RBM19: variants seen among roughly 807,000 people sequenced by gnomAD.
The protein encoded by RBM19 is RNA binding motif protein 19, also known as probable RNA-binding protein 19.
Under a neutral mutation model 116.8 loss-of-function variants are expected in RBM19, and 94 were observed. That is an observed-to-expected ratio of 0.80 (90% CI 0.68 to 0.95). RBM19 has a LOEUF of 0.95. Among genes scored for constraint, RBM19 ranks in the 40% least tolerant of loss-of-function variants. The pLI, the probability that RBM19 is intolerant of heterozygous loss-of-function variation, is 0.00. For synonymous variants in RBM19, 475 were observed against 494.1 expected, an observed-to-expected ratio of 0.96 and a Z score of 0.51; for missense variants, 1,161 against 1,220.7, an observed-to-expected ratio of 0.95 and a Z score of 0.73.
intron 16 of RBM19, among the ~76,000 whole-genome samples, chr12:113,932,980 G>A (rs1389649791): frequency 6.6e-6 from 1 of 152,042 alleles, no homozygotes; most frequent in Non-Finnish European, 1.5e-5. Context: ...AATTTACTGC[G>A]GCCTCCTCCC....
intron 16 of RBM19, among the ~76,000 whole-genome samples, chr12:113,928,033 A>G (rs1169404786): frequency 6.6e-6 from 1 of 152,240 alleles, no homozygotes; most frequent in Non-Finnish European, 1.5e-5. Context: ...AAAATGTTCA[A>G]TGTAATCCAA....
intron 21 of RBM19, among the ~76,000 whole-genome samples, chr12:113,894,914 G>T (rs1881216464): frequency 6.6e-6 from 1 of 152,164 alleles, no homozygotes; most frequent in African/African-American, 2.4e-5. Flanking sequence ...GACAGGGGCT[G>T]TCCTTCACCT....
At chr12:113,864,674 CTA>C (rs1322201262) in intron 21 of RBM19, among the ~76,000 whole-genome samples, 1 of 152,220 alleles carries the variant, frequency 6.6e-6, no homozygotes, top group Non-Finnish European at 1.5e-5. Flanking sequence ...ATCCCTTCAT[CTA>C]TAATGGGCAA....
Position 113,939,970 on chromosome 12 carries a change from G to A in RBM19, c.1928C>T (p.Ala643Val), listed in dbSNP as rs777532426. The A allele has an allele frequency of 6.2e-7, 1 of 1,613,946 alleles. No individual in the cohort carries two copies. The highest frequency in any genetic ancestry group is 1.1e-5 in the South Asian group (1 of 91,082). ...CTCCAGCAGCCCTACCTTGGAATAG[G>A]CCAGATGCCTGAAGGCCTTGCGGGC... ...LEARKAFRHL[A>V]YSKFHHVPLY... Residue 643 changes from alanine (A) to valine (V), a missense_variant, in exon 15 of 24, where the codon GCC (alanine) becomes GTC (valine). Coordinates refer to ENST00000261741, the MANE Select transcript of RBM19 (RefSeq NM_016196.4).
At chr12:113,860,555 G>A (rs933145529) in intron 21 of RBM19, among the ~76,000 whole-genome samples, 2 of 152,234 alleles carry the variant, frequency 1.3e-5, no homozygotes, top group African/African-American at 2.4e-5. Context: ...GAGCTGGTAT[G>A]AGGCAACTGA....
intron 22 of RBM19, among the ~76,000 whole-genome samples, chr12:113,848,641 C>T (rs1877185841): frequency 6.6e-6 from 1 of 152,134 alleles, no homozygotes; most frequent in Non-Finnish European, 1.5e-5. Flanking sequence ...AGGTTCCAGC[C>T]ATCACAGAGG....
At chr12:113,876,608 T>C (rs1159470559) in intron 21 of RBM19, among the ~76,000 whole-genome samples, 2 of 151,972 alleles carry the variant, frequency 1.3e-5, no homozygotes, top group Non-Finnish European at 2.9e-5. Flanking sequence ...CTGGGCAACA[T>C]GGTGAAACCC....
chr12:113,873,814 C>T (rs139155038), intron 21 of RBM19, among the ~76,000 whole-genome samples: 9 of 152,290 alleles, frequency 5.9e-5, no homozygotes, highest in African/African-American at 2.2e-4. Flanking sequence ...GGGGAAACCC[C>T]TCATTGTTCA....
At position 113,945,830 on chromosome 12, in the gene RBM19, G is replaced by T; in HGVS notation, c.1624C>A (p.His542Asn). 1 of 1,550,202 alleles carries T rather than the reference G, an allele frequency of 6.5e-7. No individual in the cohort carries two copies. Among genetic ancestry groups the T allele is most frequent in the Non-Finnish European group, 8.9e-7 (1 of 1,122,094 alleles). Residue 542 changes from histidine (H) to asparagine (N), a missense_variant and splice_region_variant, in exon 13 of 24, where the codon CAC (histidine) becomes AAC (asparagine). By Grantham distance (68) the His-to-Asn change is moderately conservative. Transcript: ENST00000261741. ...YNATKSQVFD[H>N]ETKGSVAVRV... ...AGGACTGGTCGGCCCTTACTCACGT[G>T]GTCAAACACTTGACTCTTGGTGGCG... is the stretch of plus-strand genomic sequence containing the variant.
downstream of RBM19, among the ~76,000 whole-genome samples, chr12:113,820,160 A>G (rs1304458274): frequency 6.6e-6 from 1 of 151,950 alleles, no homozygotes; most frequent in East Asian, 1.9e-4. Flanking sequence ...CGGGGCATCC[A>G]AACTTTTGGC....
rs372382495 is a variant in RBM19, at chr12:113,869,101, A to G, written c.2559-10205T>C. On this transcript the variant is annotated intron_variant, in intron 21 of 23. Coordinates refer to ENST00000261741, the MANE Select transcript of RBM19 (RefSeq NM_016196.4). ...GTGAAAAGGATCTATATTGGTGCCA[A>G]GCAGGTGACCCCTCCTAAGCCCTTA... Among the ~76,000 whole-genome samples, 20 of 152,304 alleles carry G rather than the reference A, an allele frequency of 1.3e-4. 1 individual carries two copies. In the South Asian group the frequency reaches 4.1e-3, roughly 32 times the overall value.
At position 113,946,419 on chromosome 12, in the gene RBM19, G is replaced by A. The variant is rs145961597; in HGVS notation, c.1464C>T (p.Ala488=). The change falls in exon 12 of 24, where the codon GCC becomes GCT. Residue 488 remains alanine (A), a synonymous_variant. Transcript: ENST00000261741. ...STIKKEASED[A]SALGSSSYKK... Reference sequence around the variant, plus strand: ...TGTAGGACGACGATCCCAGGGCACTGGCATCCTCGCTGGCTTCCTTCTTGA... The same window carrying A: ...TGTAGGACGACGATCCCAGGGCACTAGCATCCTCGCTGGCTTCCTTCTTGA... 63 of 1,614,082 alleles carry A rather than the reference G, an allele frequency of 3.9e-5. No homozygotes were observed. The highest frequency in any genetic ancestry group is 5.1e-5 in the Non-Finnish European group (60 of 1,180,006).
At chr12:113,957,530 G>A (rs1265361875) in intron 6 of RBM19, among the ~76,000 whole-genome samples, 1 of 151,922 alleles carries the variant, frequency 6.6e-6, no homozygotes, top group East Asian at 1.9e-4. Flanking sequence ...TTGCACCACC[G>A]CACTCCAGCC....
rs747002154 is a variant in RBM19 at position 113,823,273 on chromosome 12, T to G, written c.2834A>C (p.Gln945Pro). ...GCTGTCGCTGTCACTGCCTTCCAGCTGCTCCAGGATCTCGTCCAACACCAC... is the reference window on the plus strand; with the variant it reads ...GCTGTCGCTGTCACTGCCTTCCAGCGGCTCCAGGATCTCGTCCAACACCAC... ...RSVVLDEILE[Q>P]LEGSDSDSEE... Residue 945 changes from glutamine (Q) to proline (P), a missense_variant, in exon 24 of 24, where the codon CAG becomes CCG. Transcript: ENST00000261741. 1 of 1,613,156 alleles carries G rather than the reference T, an allele frequency of 6.2e-7. No homozygotes were observed. The highest frequency in any genetic ancestry group is 8.5e-7 in the Non-Finnish European group (1 of 1,180,040).
rs1881497482 is a variant in RBM19 at position 113,898,639 on chromosome 12, G to A, written c.2558+16330C>T. On this transcript the variant is annotated intron_variant, in intron 21 of 23. Coordinates refer to ENST00000261741, the MANE Select transcript of RBM19 (RefSeq NM_016196.4). This position sits in a 1 kb window ranked among gnomAD's most constrained non-coding sequence, Gnocchi z 4.3. ...ACCGGCAAGACTCAGAGAAGCAAGAGGTCTAATCGTGCTGAACCAGCAAAT... is the reference window on the plus strand; with the variant it reads ...ACCGGCAAGACTCAGAGAAGCAAGAAGTCTAATCGTGCTGAACCAGCAAAT... 6.6e-6 allele frequency among the ~76,000 whole-genome samples: 1 copy of A among 152,200 alleles called. No individual in the cohort carries two copies. Among genetic ancestry groups the A allele is most frequent in the Admixed American group, 6.5e-5 (1 of 15,290 alleles).
chr12:113,949,960 G>T, intron 9 of RBM19, 123 bp downstream of exon 9: 1 of 895,744 alleles, frequency 1.1e-6, no homozygotes, highest in South Asian at 1.6e-5. Flanking sequence ...GCCTAGAACA[G>T]TGTCTGCAGA....
chr12:113,953,578 G>A (rs1871656493), intron 7 of RBM19, among the ~76,000 whole-genome samples: 1 of 152,206 alleles, frequency 6.6e-6, no homozygotes, highest in Non-Finnish European at 1.5e-5. Flanking sequence ...AAATTAACAT[G>A]AGATGCCAAT....
intron 6 of RBM19, among the ~76,000 whole-genome samples, chr12:113,956,283 G>GA (rs1871932465): frequency 6.6e-6 from 1 of 152,134 alleles, no homozygotes; most frequent in African/African-American, 2.4e-5. Flanking sequence ...CATCTCATTT[G>GA]AAAATACAGG....
chr12:113,948,721 G>A (rs1467696841), intron 10 of RBM19, 112 bp downstream of exon 10: 64 of 1,075,962 alleles, frequency 5.9e-5, no homozygotes, highest in Non-Finnish European at 2.7e-6. Context: ...AGAAAACTGA[G>A]GCAAGAGATG....
Sources: gnomAD v4.1 joint callset for allele counts (sites outside exome capture counted in the v4.1 genomes callset) on GRCh38, gnomAD v4.1.1 for gene constraint, Gnocchi (gnomAD v3.1) non-coding constraint, MANE v1.5 for transcripts, NCBI Gene and HGNC (gene_info 2026-07-23, HGNC 2026-07-21) for gene names.